KCNIP1: variants seen among roughly 807,000 people sequenced by gnomAD.
The protein encoded by KCNIP1 is A-type potassium channel modulatory protein KCNIP1.
In KCNIP1, 18 loss-of-function variants were observed where a neutral mutation model predicts 33.0. The observed-to-expected ratio is 0.55, with a 90% CI of 0.38 to 0.81. The LOEUF (loss-of-function observed/expected upper bound fraction) is 0.81, where lower values mean the gene tolerates loss of function less well. Among genes scored for constraint, KCNIP1 ranks in the 30% least tolerant of loss-of-function variants. KCNIP1 has a pLI of 0.00. For synonymous variants in KCNIP1, 93 were observed against 98.3 expected, an observed-to-expected ratio of 0.95 and a Z score of 0.32; for missense variants, 238 against 271.6, an observed-to-expected ratio of 0.88 and a Z score of 0.87.
chr5:170,388,517 C>T (rs1441597776), intron 1 of KCNIP1, among the ~76,000 whole-genome samples: 3 of 152,158 alleles, frequency 2.0e-5, no homozygotes, highest in Non-Finnish European at 4.4e-5. Context: ...ATATATCTTC[C>T]CATTTAGAAA....
At chr5:170,510,825 AG>A (rs199872388) in intron 1 of KCNIP1, among the ~76,000 whole-genome samples, 3,195 of 152,308 alleles carry the variant, frequency 0.021, 54 homozygotes, top group South Asian at 0.059. Context: ...TATGGCTATG[AG>A]CACCGCGTTA....
chr5:170,390,851 C>T (rs1333687155), intron 1 of KCNIP1, among the ~76,000 whole-genome samples: 2 of 152,050 alleles, frequency 1.3e-5, no homozygotes, highest in Admixed American at 1.3e-4. Flanking sequence ...TTCCCCAGCC[C>T]CCAGGGAGGT....
In KCNIP1 at chr5:170,504,389, G is replaced by A. The variant is rs1005198011; in HGVS notation, c.-184G>A. 2 of 1,438,424 alleles carry A rather than the reference G, an allele frequency of 1.4e-6. No homozygotes were observed. Among genetic ancestry groups the A allele is most frequent in the South Asian group, 3.0e-5 (2 of 67,298 alleles). The allele number at this position is 1,438,424 out of a possible 1,614,324, so 89.1% of individuals were successfully genotyped here. A position where few individuals can be genotyped will look rare whatever the true frequency, so the allele number is the denominator to read the frequency against. ...AGCCCTGAGTCCCTGCATGTGCGGGGCTGAAGAAGGAAGCCAGAAGCCTCC... is the reference window on the plus strand; with the variant it reads ...AGCCCTGAGTCCCTGCATGTGCGGGACTGAAGAAGGAAGCCAGAAGCCTCC... On this transcript the variant is annotated 5_prime_UTR_variant, in exon 1 of 8. Transcript: ENST00000328939. This position sits in a 1 kb window ranked among gnomAD's most constrained non-coding sequence, Gnocchi z 6.0.
At chr5:170,550,576 GTGA>G (rs1023550927) in intron 1 of KCNIP1, among the ~76,000 whole-genome samples, 14 of 149,006 alleles carry the variant, frequency 9.4e-5, no homozygotes, top group South Asian at 2.1e-4. Flanking sequence ...GATGATGATG[GTGA>G]TGATGATGGC....
chr5:170,434,826 G>A (rs535803794), intron 1 of KCNIP1, among the ~76,000 whole-genome samples: 1 of 152,126 alleles, frequency 6.6e-6, no homozygotes, highest in Non-Finnish European at 1.5e-5. Context: ...GTGGTGGCAC[G>A]AGCCTGTAAT....
intron 1 of KCNIP1, chr5:170,712,928 T>A (rs1763506975): frequency 5.9e-6 from 9 of 1,526,566 alleles, no homozygotes; most frequent in Non-Finnish European, 8.2e-6. Context: ...GTCACATGAC[T>A]TGCAAAGGCA....
At chr5:170,710,592 G>C (rs553344386) in intron 1 of KCNIP1, among the ~76,000 whole-genome samples, 54 of 152,326 alleles carry the variant, frequency 3.5e-4, no homozygotes, top group African/African-American at 1.1e-3. Flanking sequence ...AAAGGTAATA[G>C]AGCAAAGGCA....
At chr5:170,486,559 T>C (rs1207998472) in intron 1 of KCNIP1, among the ~76,000 whole-genome samples, 15 of 152,218 alleles carry the variant, frequency 9.9e-5, no homozygotes. Flanking sequence ...GAAATCCAAG[T>C]AATGAGTTCC....
At chr5:170,639,373 A>C (rs1280583359) in intron 1 of KCNIP1, 1 of 152,144 alleles carries the variant, frequency 6.6e-6, no homozygotes, top group Non-Finnish European at 1.5e-5. Flanking sequence ...CGTCTCAAAA[A>C]ATGGGCATAT....
intron 1 of KCNIP1, among the ~76,000 whole-genome samples, chr5:170,492,120 G>A (rs572114077): frequency 2.0e-5 from 3 of 152,264 alleles, no homozygotes; most frequent in East Asian, 1.9e-4. Flanking sequence ...TAAAGGCCTC[G>A]TCCCACAAAA....
intron 1 of KCNIP1, among the ~76,000 whole-genome samples, chr5:170,412,741 C>T (rs1755228395): frequency 6.6e-6 from 1 of 152,132 alleles, no homozygotes; most frequent in Non-Finnish European, 1.5e-5. Flanking sequence ...CACCTCAGGG[C>T]CTCTGCACCA....
chr5:170,684,768 A>G (rs1762480909), intron 1 of KCNIP1, among the ~76,000 whole-genome samples: 2 of 152,150 alleles, frequency 1.3e-5, no homozygotes, highest in Non-Finnish European at 2.9e-5. Context: ...AACCTGAGCC[A>G]CAAACCTCTC....
At chr5:170,584,913 G>A (rs2113529089) in intron 1 of KCNIP1, among the ~76,000 whole-genome samples, 1 of 152,208 alleles carries the variant, frequency 6.6e-6, no homozygotes, top group East Asian at 1.9e-4. Context: ...AGGCCTGGTG[G>A]CTTCATGACA....
intron 1 of KCNIP1, among the ~76,000 whole-genome samples, chr5:170,448,532 A>C (rs1443198141): frequency 2.0e-5 from 3 of 152,260 alleles, no homozygotes. Flanking sequence ...GCAGGTTGCC[A>C]TGGTGATGCT....
intron 1 of KCNIP1, among the ~76,000 whole-genome samples, chr5:170,585,614 G>A (rs891637463): frequency 5.3e-5 from 8 of 150,576 alleles, no homozygotes; most frequent in East Asian, 1.9e-4. Flanking sequence ...CTCACCCCCC[G>A]CCCCGGAAAT....
At chr5:170,583,310 A>T (rs533785101) in intron 1 of KCNIP1, among the ~76,000 whole-genome samples, 42 of 152,202 alleles carry the variant, frequency 2.8e-4, no homozygotes, top group Non-Finnish European at 5.0e-4. Flanking sequence ...AGTACATGAT[A>T]TACCTCTACA....
Position 170,560,362 on chromosome 5 carries a change from G to A in KCNIP1, c.61+55729G>A, listed in dbSNP as rs554193142. Among the ~76,000 whole-genome samples, 8 of 152,312 alleles carry A rather than the reference G, an allele frequency of 5.3e-5. No homozygotes were observed. The East Asian group carries it at 1.5e-3, about 29-fold the overall frequency. On this transcript the variant is annotated intron_variant, in intron 1 of 7. Coordinates refer to ENST00000328939, the MANE Select transcript of KCNIP1 (RefSeq NM_014592.4). Reference sequence around the variant, plus strand: ...TGGGTCAGGTTTCAGATCTGCTGGAGGAACACAGCCAGAATGTCTTGACAG... The same window carrying A: ...TGGGTCAGGTTTCAGATCTGCTGGAAGAACACAGCCAGAATGTCTTGACAG...
chr5:170,488,937 C>A (rs1025566279), intron 1 of KCNIP1, among the ~76,000 whole-genome samples: 1 of 152,146 alleles, frequency 6.6e-6, no homozygotes, highest in African/African-American at 2.4e-5. Flanking sequence ...GAAGCTGAGC[C>A]GGGGCCTGAC....
At chr5:170,503,492 GCC>G (rs1216210165), upstream of KCNIP1, among the ~76,000 whole-genome samples, 1 of 152,008 alleles carries the variant, frequency 6.6e-6, no homozygotes, top group Non-Finnish European at 1.5e-5. Context: ...TAGAAGGTGG[GCC>G]CTGCCATAGG....
Sources: gnomAD v4.1 joint callset for allele counts (sites outside exome capture counted in the v4.1 genomes callset) on GRCh38, gnomAD v4.1.1 for gene constraint, Gnocchi (gnomAD v3.1) non-coding constraint, MANE v1.5 for transcripts, NCBI Gene and HGNC (gene_info 2026-07-23, HGNC 2026-07-21) for gene names.